Variants in WDR72 observed in about 807,000 individuals in gnomAD.
WDR72 encodes WD repeat domain 72.
Under a neutral mutation model 124.2 loss-of-function variants are expected in WDR72, and 120 were observed. The ratio of observed to expected loss-of-function variants is 0.97; its 90% CI spans 0.83 to 1.12. WDR72 has a LOEUF of 1.12. Among genes scored for constraint, WDR72 ranks in the 50% most tolerant of loss-of-function variants. The pLI is 0.00. For synonymous variants in WDR72, 452 were observed against 441.7 expected, an observed-to-expected ratio of 1.02 and a Z score of -0.29; for missense variants, 1,387 against 1,278.8, an observed-to-expected ratio of 1.08 and a Z score of -1.29.
At chr15:53,647,983 T>A (rs2015102511) in intron 14 of WDR72, among the ~76,000 whole-genome samples, 1 of 152,108 alleles carries the variant, frequency 6.6e-6, no homozygotes, top group African/African-American at 2.4e-5. Flanking sequence ...ACATGAAATG[T>A]GATTTCTCAT....
At chr15:53,568,931 T>C (rs1894400596) in intron 18 of WDR72, among the ~76,000 whole-genome samples, 1 of 152,092 alleles carries the variant, frequency 6.6e-6, no homozygotes, top group South Asian at 2.1e-4. Context: ...ATATACTATA[T>C]ATATGACATA....
chr15:53,563,787 G>A (rs952281288), intron 18 of WDR72, among the ~76,000 whole-genome samples: 4 of 151,770 alleles, frequency 2.6e-5, no homozygotes, highest in South Asian at 4.1e-4. Flanking sequence ...GCAAGCTTAA[G>A]TGAACTGTGT....
intron 3 of WDR72, among the ~76,000 whole-genome samples, chr15:53,722,582 A>C (rs1474817941): frequency 1.3e-5 from 2 of 152,194 alleles, no homozygotes; most frequent in African/African-American, 4.8e-5. Flanking sequence ...ACTTGGTCCC[A>C]ATCCAGCAAC....
intron 13 of WDR72, among the ~76,000 whole-genome samples, chr15:53,689,094 C>A (rs545305977): frequency 4.9e-4 from 75 of 152,262 alleles, no homozygotes; most frequent in African/African-American, 1.6e-3. Flanking sequence ...AAACGTTAAA[C>A]CTAAAACCAT....
At chr15:53,559,666 G>A (rs1172544430) in intron 18 of WDR72, among the ~76,000 whole-genome samples, 1 of 151,938 alleles carries the variant, frequency 6.6e-6, no homozygotes. Flanking sequence ...TTTCCGTTCC[G>A]ACAGCCACAG....
chr15:53,710,758 T>G, intron 9 of WDR72, 99 bp downstream of exon 9: 2 of 974,748 alleles, frequency 2.1e-6, no homozygotes, highest in Non-Finnish European at 3.3e-6. Context: ...GATGCTTCAA[T>G]TCAATTTTTT....
chr15:53,608,710 T>C (rs182356808), intron 17 of WDR72, among the ~76,000 whole-genome samples: 5 of 151,912 alleles, frequency 3.3e-5, no homozygotes, highest in Admixed American at 3.3e-4. Flanking sequence ...GAGCTGTTAC[T>C]GTACCACTGC....
intron 14 of WDR72, among the ~76,000 whole-genome samples, chr15:53,660,047 A>C (rs1361963050): frequency 1.3e-5 from 2 of 151,990 alleles, no homozygotes; most frequent in East Asian, 3.9e-4. Flanking sequence ...TTTTAAAATT[A>C]TAAAAAATTG....
chr15:53,524,234 T>C (rs548563408), intron 18 of WDR72, among the ~76,000 whole-genome samples: 3 of 152,256 alleles, frequency 2.0e-5, no homozygotes. Context: ...ATATGGATAC[T>C]GTTGAGTACA....
chr15:53,628,828 A>G (rs76673250), intron 14 of WDR72, among the ~76,000 whole-genome samples: 2 of 152,106 alleles, frequency 1.3e-5, no homozygotes, highest in African/African-American at 2.4e-5. Context: ...TTAAAAAAAA[A>G]CTTAAAATGT....
intron 14 of WDR72, among the ~76,000 whole-genome samples, chr15:53,658,543 A>G (rs1031476148): frequency 6.6e-6 from 1 of 152,316 alleles, no homozygotes; most frequent in East Asian, 1.9e-4. Flanking sequence ...TCTGCCATCT[A>G]TACAAAAAGG....
At chr15:53,600,410 GA>G (rs2012992559) in intron 17 of WDR72, among the ~76,000 whole-genome samples, 1 of 152,068 alleles carries the variant, frequency 6.6e-6, no homozygotes, top group Admixed American at 6.6e-5. Flanking sequence ...TGCATATAAA[GA>G]AATTTCTTCC....
At chr15:53,667,199 A>G (rs2015808861) in intron 13 of WDR72, among the ~76,000 whole-genome samples, 1 of 152,056 alleles carries the variant, frequency 6.6e-6, no homozygotes, top group South Asian at 2.1e-4. Context: ...AAAAAAACAC[A>G]AAAATTAGCC....
At chr15:53,541,429 G>A (rs1344298623) in intron 18 of WDR72, among the ~76,000 whole-genome samples, 1 of 151,430 alleles carries the variant, frequency 6.6e-6, no homozygotes, top group Non-Finnish European at 1.5e-5. Context: ...TGCAGCTGAG[G>A]GTCCTGTCTG....
chr15:53,610,280 C>T (rs1029822234), intron 16 of WDR72, among the ~76,000 whole-genome samples: 1 of 151,920 alleles, frequency 6.6e-6, no homozygotes, highest in Non-Finnish European at 1.5e-5. Context: ...CAGTTTCCTA[C>T]ACAAAAAAGT....
At chr15:53,733,198 T>G (rs1420993726) in intron 1 of WDR72, 37 bp from the exon 2 acceptor site, 1 of 1,610,152 alleles carries the variant, frequency 6.2e-7, no homozygotes, top group Non-Finnish European at 8.5e-7. Context: ...TACATGGTCA[T>G]CTTTTTGAAA....
At chr15:53,550,262 A>C (rs1208283255) in intron 18 of WDR72, among the ~76,000 whole-genome samples, 5 of 152,168 alleles carry the variant, frequency 3.3e-5, no homozygotes, top group African/African-American at 1.2e-4. Context: ...AAAACTATTC[A>C]ACTCTGCAGC....
At position 53,648,152 on chromosome 15, in the gene WDR72, G is replaced by A. The variant is rs115777815; in HGVS notation, c.1962+17420C>T. Among the ~76,000 whole-genome samples, 1,436 of 152,116 alleles carry A rather than the reference G, an allele frequency of 9.4e-3. 31 individuals are homozygous for A. Among genetic ancestry groups the A allele is most frequent in the African/African-American group, 0.033 (1,383 of 41,514 alleles). ...ATCCTATAAAAATTCAATGTCACTAGTAGAATAAAAGTTCTCAATATCAAA... is the reference window on the plus strand; with the variant it reads ...ATCCTATAAAAATTCAATGTCACTAATAGAATAAAAGTTCTCAATATCAAA... On this transcript the variant is annotated intron_variant, in intron 14 of 19. Coordinates refer to ENST00000360509, the MANE Select transcript of WDR72 (RefSeq NM_182758.4).
intron 18 of WDR72, among the ~76,000 whole-genome samples, chr15:53,575,006 AACACACACACACACAC>A (rs3081214): frequency 2.0e-5 from 3 of 147,192 alleles, no homozygotes; most frequent in South Asian, 2.2e-4. Context: ...AATCAAACAC[AACACACACACACACAC>A]ACACACACAC....
Sources: gnomAD v4.1 joint callset for allele counts (sites outside exome capture counted in the v4.1 genomes callset) on GRCh38, gnomAD v4.1.1 for gene constraint, MANE v1.5 for transcripts, NCBI Gene and HGNC (gene_info 2026-07-23, HGNC 2026-07-21) for gene names.